Variants in GALNT17 observed in about 807,000 individuals in gnomAD.
The protein encoded by GALNT17 is UDP-GalNAc:polypeptide N-acetylgalactosaminyltransferase-like 3.
A neutral mutation model predicts 63.7 loss-of-function variants in GALNT17; 29 were observed. The observed-to-expected ratio is 0.46, with a 90% confidence interval of 0.34 to 0.62. The LOEUF (loss-of-function observed/expected upper bound fraction) is 0.62, where lower values mean the gene tolerates loss of function less well. GALNT17 is among the 20% of genes least tolerant of loss of function. The pLI is 0.01. For synonymous variants in GALNT17, 305 were observed against 318.3 expected (o/e 0.96, Z 0.45); for missense variants, 603 against 799.6 (o/e 0.75, Z 2.97).
chr7:71,615,027 CTGTT>C (rs1790181009), intron 6 of GALNT17, among the ~76,000 whole-genome samples: 1 of 152,148 alleles, frequency 6.6e-6, no homozygotes, highest in South Asian at 2.1e-4. Flanking sequence ...ACACGGATTA[CTGTT>C]TGTTGCCAAG....
At chr7:71,260,843 A>T (rs1019405908) in intron 1 of GALNT17, among the ~76,000 whole-genome samples, 1 of 152,130 alleles carries the variant, frequency 6.6e-6, no homozygotes, top group Non-Finnish European at 1.5e-5. Flanking sequence ...GACTCAAGCA[A>T]TTCTCTTGCC....
intron 6 of GALNT17, among the ~76,000 whole-genome samples, chr7:71,656,370 G>A (rs1054339357): frequency 1.3e-5 from 2 of 152,142 alleles, no homozygotes; most frequent in African/African-American, 4.8e-5. Context: ...GGCAGATGGG[G>A]GAGGAGTGTC....
At chr7:71,670,840 C>G (rs1791057470) in intron 8 of GALNT17, among the ~76,000 whole-genome samples, 1 of 151,354 alleles carries the variant, frequency 6.6e-6, no homozygotes, top group South Asian at 2.1e-4. Flanking sequence ...GATCTGGATA[C>G]CAGAGATAAC....
chr7:71,508,978 A>G (rs1026644467), intron 5 of GALNT17, among the ~76,000 whole-genome samples: 3 of 152,146 alleles, frequency 2.0e-5, no homozygotes, highest in Non-Finnish European at 4.4e-5. Flanking sequence ...GCGTACATAC[A>G]GCCTCTCACC....
chr7:71,323,085 T>C (rs544696657), intron 1 of GALNT17, among the ~76,000 whole-genome samples: 16 of 152,038 alleles, frequency 1.1e-4, no homozygotes, highest in Admixed American at 5.2e-4. Flanking sequence ...TAATGTCTTG[T>C]AATATTTGAA....
chr7:71,192,380 G>A (rs1301627479), intron 1 of GALNT17, among the ~76,000 whole-genome samples: 2 of 151,284 alleles, frequency 1.3e-5, no homozygotes, highest in Admixed American at 6.6e-5. Context: ...CCATCACAGG[G>A]CAAGTGTATA....
At chr7:71,177,441 A>G (rs10272163) in intron 1 of GALNT17, among the ~76,000 whole-genome samples, 40,073 of 152,152 alleles carry the variant, frequency 0.26, 9,811 homozygotes, top group African/African-American at 0.66. Flanking sequence ...TTTGAAAACC[A>G]TGGCTGAAAA....
intron 6 of GALNT17, among the ~76,000 whole-genome samples, chr7:71,606,453 A>G (rs1011390003): frequency 6.6e-6 from 1 of 152,138 alleles, no homozygotes; most frequent in African/African-American, 2.4e-5. Flanking sequence ...CCTTTCTCCT[A>G]TCATCTTCCA....
intron 9 of GALNT17, among the ~76,000 whole-genome samples, chr7:71,692,637 CACACAT>C (rs1425314792): frequency 6.6e-6 from 1 of 152,052 alleles, no homozygotes; most frequent in Non-Finnish European, 1.5e-5. Context: ...GATATGTACA[CACACAT>C]ACACATACAC....
At chr7:71,272,268 G>T (rs1403917044) in intron 1 of GALNT17, among the ~76,000 whole-genome samples, 1 of 152,158 alleles carries the variant, frequency 6.6e-6, no homozygotes, top group Non-Finnish European at 1.5e-5. Context: ...GGGGAATCAT[G>T]AATAAATCTT....
intron 2 of GALNT17, among the ~76,000 whole-genome samples, chr7:71,381,586 C>A (rs971866849): frequency 4.6e-5 from 7 of 152,056 alleles, no homozygotes; most frequent in African/African-American, 1.4e-4. Flanking sequence ...CGAGACCAGC[C>A]TGGCTAACAT....
intron 2 of GALNT17, 128 bp from the exon 3 acceptor site, chr7:71,388,107 G>A (rs1792980156): frequency 4.2e-6 from 4 of 951,166 alleles, no homozygotes; most frequent in Non-Finnish European, 6.3e-6. Context: ...GAAGCCTAAG[G>A]GAACCAGTGA....
intron 1 of GALNT17, among the ~76,000 whole-genome samples, chr7:71,270,841 G>GA (rs946131445): frequency 1.7e-4 from 24 of 144,098 alleles, no homozygotes; most frequent in Admixed American, 2.8e-4. Flanking sequence ...TCAGCTGCAG[G>GA]AAAAAAAAAT....
intron 6 of GALNT17, among the ~76,000 whole-genome samples, chr7:71,644,379 A>G (rs1354477677): frequency 2.6e-5 from 4 of 151,838 alleles, no homozygotes; most frequent in Non-Finnish European, 5.9e-5. Flanking sequence ...TACTAAAAAT[A>G]CAAAAATTAG....
intron 6 of GALNT17, among the ~76,000 whole-genome samples, chr7:71,661,163 C>T (rs561556398): frequency 2.6e-5 from 4 of 152,306 alleles, no homozygotes; most frequent in African/African-American, 9.6e-5. Flanking sequence ...AGGGCTGTGA[C>T]TGAAGAGAAG....
intron 1 of GALNT17, among the ~76,000 whole-genome samples, chr7:71,195,799 T>C (rs1430763885): frequency 6.6e-6 from 1 of 152,054 alleles, no homozygotes. Flanking sequence ...TCCTCCCACC[T>C]CATCCTCTCA....
chr7:71,269,566 A>T (rs927105823), intron 1 of GALNT17, among the ~76,000 whole-genome samples: 1 of 151,996 alleles, frequency 6.6e-6, no homozygotes. Context: ...GGGCTGGAGG[A>T]AGTATGGAGG....
At chr7:71,242,311 C>G (rs560498358) in intron 1 of GALNT17, among the ~76,000 whole-genome samples, 42 of 147,056 alleles carry the variant, frequency 2.9e-4, no homozygotes, top group African/African-American at 9.0e-4. Context: ...ACTCTGTCGC[C>G]CAGGCTGGAG....
chr7:71,475,597 C>T (rs992429454), intron 5 of GALNT17, among the ~76,000 whole-genome samples: 1 of 152,154 alleles, frequency 6.6e-6, no homozygotes, highest in African/African-American at 2.4e-5. Context: ...GCTCGCCCAC[C>T]ACTCACCTCC....
Sources: allele counts gnomAD v4.1 joint callset (sites outside exome capture counted in the v4.1 genomes callset), GRCh38; gene constraint gnomAD v4.1.1; transcripts MANE v1.5; gene names NCBI Gene and HGNC (gene_info 2026-07-23, HGNC 2026-07-21).